Variants in PKHD1L1 observed in about 807,000 individuals in gnomAD.
PKHD1L1 encodes the protein fibrocystin-L.
PKHD1L1 carries 434 observed loss-of-function variants against 462.9 expected under a neutral mutation model. The ratio of observed to expected loss-of-function variants is 0.94; its 90% confidence interval spans 0.87 to 1.02. The LOEUF is 1.02. PKHD1L1 is among the 50% of genes least tolerant of loss of function. PKHD1L1 has a pLI of 0.00. For synonymous variants in PKHD1L1, 1,781 were observed against 1,750.0 expected, an observed-to-expected ratio of 1.02 and a Z score of -0.44; for missense variants, 5,202 against 5,096.1, an observed-to-expected ratio of 1.02 and a Z score of -0.63.
At chr8:109,423,917 G>T (rs934834636) in intron 23 of PKHD1L1, among the ~76,000 whole-genome samples, 1 of 152,142 alleles carries the variant, frequency 6.6e-6, no homozygotes, top group Non-Finnish European at 1.5e-5. Context: ...AGTTGTAAAT[G>T]GTCTTGTGTT....
chr8:109,460,746 A>T lies in PKHD1L1; in HGVS notation c.7246+910A>T, dbSNP rs1411345320. ...CAAGCCCAAAATGTCAGTGATTTAA[A>T]ATATAAAAGTCTATTTCCCATTCAT... On this transcript the variant is annotated intron_variant, in intron 47 of 77. Coordinates refer to ENST00000378402, the MANE Select transcript of PKHD1L1 (RefSeq NM_177531.6). 3.9e-5 allele frequency among the ~76,000 whole-genome samples: 6 copies of T among 152,198 alleles called. No homozygotes were observed. The East Asian group carries it at 1.2e-3, about 29-fold the overall frequency.
chr8:109,472,424 C>G (rs1817768484), intron 50 of PKHD1L1, among the ~76,000 whole-genome samples: 1 of 151,950 alleles, frequency 6.6e-6, no homozygotes, highest in Admixed American at 6.6e-5. Context: ...TTTTTTGATT[C>G]AGGGAATCTG....
At chr8:109,430,074 A>G in intron 27 of PKHD1L1, 37 bp downstream of exon 27, 1 of 1,326,444 alleles carries the variant, frequency 7.5e-7, no homozygotes. Context: ...TGGGTGTGAA[A>G]GATAATCAGC....
intron 46 of PKHD1L1, among the ~76,000 whole-genome samples, chr8:109,458,417 A>G (rs1816935926): frequency 9.0e-6 from 1 of 111,580 alleles, no homozygotes; most frequent in Non-Finnish European, 2.0e-5. Flanking sequence ...AATCAATCAA[A>G]ACCGTTATTG....
At chr8:109,472,669 T>A (rs965028336) in intron 50 of PKHD1L1, among the ~76,000 whole-genome samples, 2 of 152,066 alleles carry the variant, frequency 1.3e-5, no homozygotes, top group African/African-American at 2.4e-5. Context: ...CAGACCACAT[T>A]GCAAATTAGA....
intron 50 of PKHD1L1, among the ~76,000 whole-genome samples, chr8:109,471,633 G>A (rs1817725087): frequency 1.3e-5 from 2 of 152,116 alleles, no homozygotes; most frequent in African/African-American, 4.8e-5. Flanking sequence ...AAGAGTATGT[G>A]GCAAAACATA....
intron 23 of PKHD1L1, among the ~76,000 whole-genome samples, chr8:109,422,339 C>T (rs1020772814): frequency 1.3e-5 from 2 of 152,122 alleles, no homozygotes; most frequent in African/African-American, 4.8e-5. Flanking sequence ...CTTTTTGTAG[C>T]CATGCTGTCA....
intron 18 of PKHD1L1, 65 bp downstream of exon 18, chr8:109,408,271 T>C: frequency 7.2e-7 from 1 of 1,388,900 alleles, no homozygotes; most frequent in Non-Finnish European, 9.7e-7. Flanking sequence ...TCATGGGCCA[T>C]TTGTAGACAG....
chr8:109,419,689 T>C (rs1814366924), intron 22 of PKHD1L1, among the ~76,000 whole-genome samples: 1 of 152,184 alleles, frequency 6.6e-6, no homozygotes, highest in South Asian at 2.1e-4. Context: ...ATACTACAAA[T>C]GAAACCTTCA....
intron 58 of PKHD1L1, among the ~76,000 whole-genome samples, chr8:109,485,566 G>T (rs1313283114): frequency 1.3e-5 from 2 of 151,922 alleles, no homozygotes; most frequent in East Asian, 3.9e-4. Context: ...AATAATGGAA[G>T]GATAAAACTA....
In PKHD1L1 at chr8:109,497,228, G is replaced by A. The variant is rs2130938788; in HGVS notation, c.10555G>A (p.Ala3519Thr). 4 of 1,613,402 alleles carry A rather than the reference G, an allele frequency of 2.5e-6. No individual in the cohort carries two copies. Among genetic ancestry groups the A allele is most frequent in the Non-Finnish European group, 3.4e-6 (4 of 1,179,554 alleles). ...CATTTTTCCAATGATTTACATGCCA[G>A]CTGCTATATCACACAAAATTTCCAG... ...MAIFPMIYMP[A>T]AISHKISSKN... The change falls in exon 65 of 78, where the codon GCT (alanine) becomes ACT (threonine). Residue 3519 changes from alanine to threonine, a missense_variant. Ala to Thr is a moderately conservative substitution (Grantham distance 58). Around this residue, in one of 3 missense-constraint regions of PKHD1L1, gnomAD observed 4,497 missense variants for 4,336.8 expected, o/e 1.04. Transcript: ENST00000378402.
chr8:109,515,870 G>A (rs983587280), intron 72 of PKHD1L1, among the ~76,000 whole-genome samples: 5 of 152,050 alleles, frequency 3.3e-5, no homozygotes, highest in Non-Finnish European at 5.9e-5. Context: ...GTTAAACAGG[G>A]TTCTAATGAG....
At chr8:109,518,611 C>G (rs990171818) in intron 73 of PKHD1L1, 103 bp downstream of exon 73, 36 of 942,696 alleles carry the variant, frequency 3.8e-5, no homozygotes, top group Non-Finnish European at 4.9e-5. Context: ...GAAATCCCAT[C>G]AACCCCACAT....
Position 109,436,607 on chromosome 8 carries a change from T to G in PKHD1L1, c.3627+148T>G, listed in dbSNP as rs1815430394. 3 of 1,269,412 alleles carry G rather than the reference T, an allele frequency of 2.4e-6. No individual in the cohort carries two copies. In the East Asian group the frequency reaches 8.2e-5, roughly 35 times the overall value. 78.6% of individuals were successfully genotyped at this position (1,269,412 alleles called of 1,614,324 possible). A position where few individuals can be genotyped will look rare whatever the true frequency, so the allele number is the denominator to read the frequency against. On this transcript the variant is annotated intron_variant, in intron 30 of 77. Transcript: ENST00000378402. ...ATTATGCTCCTTAAAACTTATTTCT[T>G]CCATATCTTTCCACTAAGATTCAAA...
At position 109,479,626 on chromosome 8, in the gene PKHD1L1, G is replaced by A; in HGVS notation, c.9165G>A (p.Val3055=). ...CTGTACCTCACCCAGGGGCAAATGT[G>A]ATTATACCTGAAGGTAAATGCGTAA... ...NYTVPHPGAN[V]IIPEGTWIVA... Residue 3055 remains valine (V), a synonymous_variant, in exon 54 of 78, where the codon GTG becomes GTA. Coordinates refer to ENST00000378402, the MANE Select transcript of PKHD1L1 (RefSeq NM_177531.6). 6.7e-7 allele frequency: 1 copy of A among 1,501,918 alleles called. No homozygotes were observed. Among genetic ancestry groups the A allele is most frequent in the Non-Finnish European group, 9.2e-7 (1 of 1,090,332 alleles). 93.0% of individuals were successfully genotyped at this position (1,501,918 alleles called of 1,614,324 possible). A position where few individuals can be genotyped will look rare whatever the true frequency, so the allele number is the denominator to read the frequency against.
intron 57 of PKHD1L1, among the ~76,000 whole-genome samples, chr8:109,483,913 A>G (rs1326871919): frequency 6.6e-6 from 1 of 151,802 alleles, no homozygotes; most frequent in Non-Finnish European, 1.5e-5. Flanking sequence ...GTGCTCATAA[A>G]CTATGCACAA....
At chr8:109,419,773 A>C (rs540092275) in intron 22 of PKHD1L1, among the ~76,000 whole-genome samples, 10 of 152,276 alleles carry the variant, frequency 6.6e-5, no homozygotes, top group African/African-American at 2.4e-4. Flanking sequence ...TAATAATAAA[A>C]ATTAAACTCC....
chr8:109,525,117 C>G (rs1410088925), intron 76 of PKHD1L1, among the ~76,000 whole-genome samples: 1 of 152,180 alleles, frequency 6.6e-6, no homozygotes, highest in Non-Finnish European at 1.5e-5. Flanking sequence ...TTAACCCCCA[C>G]AGTCACTGCA....
At position 109,486,750 on chromosome 8, in the gene PKHD1L1, G is replaced by C; in HGVS notation, c.9809G>C (p.Gly3270Ala). 2 of 1,612,500 alleles carry C rather than the reference G, an allele frequency of 1.2e-6. No homozygotes were observed. Among genetic ancestry groups the C allele is most frequent in the South Asian group, 1.1e-5 (1 of 91,046 alleles). ...NIKIVGEDYP[G>A]WSEDSFGARV... is the part of the protein sequence containing the mutation. ...AAAATAGTTGGTGAAGATTACCCCGGTTGGTCTGAGGACTCTTTTGGAGCA... is the reference window on the plus strand; with the variant it reads ...AAAATAGTTGGTGAAGATTACCCCGCTTGGTCTGAGGACTCTTTTGGAGCA... Residue 3270 changes from glycine (G) to alanine (A), a missense_variant, in exon 59 of 78, where the codon GGT becomes GCT. Around this residue, in one of 3 missense-constraint regions of PKHD1L1, gnomAD observed 4,497 missense variants for 4,336.8 expected, o/e 1.04. Transcript: ENST00000378402.
Sources: allele counts gnomAD v4.1 joint callset (sites outside exome capture counted in the v4.1 genomes callset), GRCh38; gene constraint gnomAD v4.1.1; regional missense constraint gnomAD v4.1.1; transcripts MANE v1.5; gene names NCBI Gene and HGNC (gene_info 2026-07-23, HGNC 2026-07-21).